Variants in NME7 observed in about 807,000 individuals in gnomAD.
NME7 encodes nucleoside diphosphate kinase 7.
Under a neutral mutation model 49.1 loss-of-function variants are expected in NME7, and 41 were observed. The observed-to-expected ratio is 0.83, with a 90% confidence interval of 0.65 to 1.08. The LOEUF is 1.08. NME7 is among the 50% of genes least tolerant of loss of function. The pLI, the probability that NME7 is intolerant of heterozygous loss-of-function variation, is 0.00. For missense variants in NME7, 423 were observed against 463.4 expected (o/e 0.91, Z 0.80); for synonymous variants, 139 against 150.6 (o/e 0.92, Z 0.56).
At chr1:169,151,872 A>AAGCCTGCCTCCTC (rs1658925741) in intron 11 of NME7, among the ~76,000 whole-genome samples, 1 of 152,060 alleles carries the variant, frequency 6.6e-6, no homozygotes, top group Non-Finnish European at 1.5e-5. Flanking sequence ...ACCTGATCTG[A>AAGCCTGCCTCCTC]AGCCTGCCTC....
intron 7 of NME7, among the ~76,000 whole-genome samples, chr1:169,244,056 C>T (rs10919107): frequency 0.38 from 57,188 of 151,642 alleles, 11,480 homozygotes; most frequent in East Asian, 0.79. Context: ...CAAAAATATA[C>T]ATATGTGTAT....
intron 7 of NME7, among the ~76,000 whole-genome samples, chr1:169,275,714 A>C (rs1649690103): frequency 7.6e-6 from 1 of 131,830 alleles, no homozygotes; most frequent in South Asian, 2.3e-4. Flanking sequence ...CAGAACTTCC[A>C]ACACTATGTT....
chr1:169,361,338 G>A (rs1653644906), intron 1 of NME7, among the ~76,000 whole-genome samples: 1 of 152,154 alleles, frequency 6.6e-6, no homozygotes, highest in African/African-American at 2.4e-5. Flanking sequence ...ACAATATATA[G>A]GAAAATAAAC....
intron 7 of NME7, among the ~76,000 whole-genome samples, chr1:169,269,654 G>A (rs898968337): frequency 4.5e-5 from 6 of 133,138 alleles, no homozygotes; most frequent in African/African-American, 1.5e-4. Flanking sequence ...AAGAGGCTCT[G>A]AGTAAGAATA....
At chr1:169,172,792 A>C (rs374056689) in intron 10 of NME7, among the ~76,000 whole-genome samples, 97 of 152,296 alleles carry the variant, frequency 6.4e-4, no homozygotes, top group Middle Eastern at 6.8e-3. Context: ...AAGCAAATTA[A>C]GCCTTCCCAA....
chr1:169,340,854 A>C (rs1198300396), intron 1 of NME7, among the ~76,000 whole-genome samples: 1 of 152,242 alleles, frequency 6.6e-6, no homozygotes, highest in Admixed American at 6.5e-5. Context: ...TCTAAGCAGA[A>C]AAGCATTCAA....
chr1:169,333,013 T>C (rs1212896902), intron 1 of NME7, among the ~76,000 whole-genome samples: 1 of 152,216 alleles, frequency 6.6e-6, no homozygotes, highest in Non-Finnish European at 1.5e-5. Context: ...CACTCCTATG[T>C]TTGTTGCAGC....
At chr1:169,347,782 C>T (rs73036824) in intron 1 of NME7, among the ~76,000 whole-genome samples, 2,060 of 152,140 alleles carry the variant, frequency 0.014, 38 homozygotes, top group African/African-American at 0.047. Flanking sequence ...TAGAAAAATA[C>T]GTAATAAATA....
chr1:169,319,755 T>G (rs928946484), intron 3 of NME7, among the ~76,000 whole-genome samples: 1 of 152,144 alleles, frequency 6.6e-6, no homozygotes, highest in Non-Finnish European at 1.5e-5. Context: ...GCACAAGAAT[T>G]TCATGTATTT....
At chr1:169,355,276 T>TC (rs1553197688) in intron 1 of NME7, among the ~76,000 whole-genome samples, 8 of 79,550 alleles carry the variant, frequency 1.0e-4, no homozygotes, top group Admixed American at 2.1e-4. Context: ...ATATTGTATA[T>TC]TATATATAAT....
intron 1 of NME7, among the ~76,000 whole-genome samples, chr1:169,334,684 G>A (rs567810128): frequency 1.7e-4 from 26 of 152,142 alleles, no homozygotes; most frequent in Admixed American, 9.2e-4. Flanking sequence ...GGCCGAATGC[G>A]ATTGCAACAA....
At chr1:169,244,315 C>G (rs1648215278) in intron 7 of NME7, among the ~76,000 whole-genome samples, 1 of 152,042 alleles carries the variant, frequency 6.6e-6, no homozygotes, top group African/African-American at 2.4e-5. Context: ...TAGAAAACTG[C>G]TTAATAGAGA....
Position 169,268,194 on chromosome 1 carries a change from A to G in NME7, c.754+19109T>C, listed in dbSNP as rs1359569458. ...GCCAACAACCATGAAAAAAAGCTCA[A>G]TATCACTGATCATTAGAGAAATGCA... is the stretch of plus-strand genomic sequence containing the variant. On this transcript the variant is annotated intron_variant, in intron 7 of 11. Transcript: ENST00000367811. 4.5e-5 allele frequency among the ~76,000 whole-genome samples: 6 copies of G among 133,920 alleles called. 1 individual carries two copies. Among genetic ancestry groups the G allele is most frequent in the Admixed American group, 1.5e-4 (2 of 13,730 alleles). The allele number at this position is 133,920 out of a possible 152,430, so 87.9% of individuals were successfully genotyped here.
intron 4 of NME7, among the ~76,000 whole-genome samples, chr1:169,303,842 A>C (rs1398193318): frequency 6.6e-6 from 1 of 152,244 alleles, no homozygotes; most frequent in East Asian, 1.9e-4. Flanking sequence ...AAGTCTAAAT[A>C]AGTTGCATCA....
intron 7 of NME7, among the ~76,000 whole-genome samples, chr1:169,268,887 C>T (rs1330901641): frequency 7.5e-6 from 1 of 132,850 alleles, no homozygotes; most frequent in Non-Finnish European, 1.8e-5. Context: ...AACTAAACCC[C>T]GAGTCAAGAG....
chr1:169,355,641 T>G (rs545478773), intron 1 of NME7, among the ~76,000 whole-genome samples: 12 of 151,896 alleles, frequency 7.9e-5, no homozygotes, highest in Non-Finnish European at 1.5e-4. Context: ...TAGACAGCTC[T>G]AGGGCTAGGA....
intron 7 of NME7, among the ~76,000 whole-genome samples, chr1:169,251,996 T>C (rs1371171500): frequency 2.0e-5 from 3 of 150,144 alleles, no homozygotes; most frequent in Non-Finnish European, 4.5e-5. Context: ...GTCTTTGCTA[T>C]GGTGAATAAT....
At chr1:169,326,841 C>G (rs1310219204) in intron 1 of NME7, among the ~76,000 whole-genome samples, 1 of 152,132 alleles carries the variant, frequency 6.6e-6, no homozygotes, top group Non-Finnish European at 1.5e-5. Flanking sequence ...GACACACATG[C>G]ACATACACAC....
intron 4 of NME7, among the ~76,000 whole-genome samples, chr1:169,305,428 T>G (rs1651133669): frequency 6.6e-6 from 1 of 152,230 alleles, no homozygotes; most frequent in Admixed American, 6.5e-5. Flanking sequence ...TTCTGGATAT[T>G]GTCATCATGG....
Sources: gnomAD v4.1 joint callset for allele counts (sites outside exome capture counted in the v4.1 genomes callset) on GRCh38, gnomAD v4.1.1 for gene constraint, MANE v1.5 for transcripts, NCBI Gene and HGNC (gene_info 2026-07-23, HGNC 2026-07-21) for gene names.